Variants in BCAP31 observed in about 807,000 individuals in gnomAD.
BCAP31 encodes the protein B cell receptor associated protein 31, also known as B-cell receptor-associated protein 31.
For synonymous variants in BCAP31, 75 were observed against 80.9 expected (o/e 0.93, Z 0.39); for missense variants, 124 against 193.0 (o/e 0.64, Z 2.12).
In BCAP31 at chrX:153,715,534, C is replaced by T. The variant is rs782676193; in HGVS notation, c.341+8G>A. 1 of 1,208,504 alleles carries T rather than the reference C, an allele frequency of 8.3e-7. No homozygotes were observed. The highest frequency in any genetic ancestry group is 1.8e-5 in the African/African-American group (1 of 56,990). On this transcript the variant is annotated splice_region_variant and intron_variant, in intron 4 of 7. Transcript: ENST00000345046. ...TCACAGCACCTGCCCCCTCAACCCC[C>T]CACTCACAAGGACAGCAGCAAGGAA...
intron 4 of BCAP31, among the ~76,000 whole-genome samples, chrX:153,708,101 C>A (rs1384172679): frequency 2.7e-5 from 3 of 112,997 alleles, no homozygotes; most frequent in African/African-American, 9.6e-5. Flanking sequence ...CGAAACTTAA[C>A]AGAATCCAGA....
At chrX:153,718,580 C>T (rs781993254) in intron 3 of BCAP31, among the ~76,000 whole-genome samples, 12 of 112,211 alleles carry the variant, frequency 1.1e-4, no homozygotes, top group Non-Finnish European at 1.3e-4. Context: ...CAACAAAATA[C>T]TCATGATGGT....
intron 2 of BCAP31, 57 bp downstream of exon 2, chrX:153,723,096 G>A: frequency 8.5e-7 from 1 of 1,182,793 alleles, no homozygotes; most frequent in Non-Finnish European, 1.1e-6. Context: ...ACCAGTCCCA[G>A]GGCTAGGGCA....
intron 1 of BCAP31, chrX:153,723,977 G>A (rs1557051720): frequency 9.5e-6 from 4 of 419,117 alleles, no homozygotes; most frequent in Admixed American, 8.6e-5. Flanking sequence ...TACGGAGAAA[G>A]TTCTAGACGC....
At chrX:153,708,527 C>T (rs1363012151) in intron 4 of BCAP31, among the ~76,000 whole-genome samples, 6 of 113,046 alleles carry the variant, frequency 5.3e-5, no homozygotes, top group South Asian at 3.6e-4. Context: ...AGCCCCCAGC[C>T]GGCAGAAAGC....
intron 3 of BCAP31, among the ~76,000 whole-genome samples, chrX:153,718,599 G>A (rs2091644983): frequency 8.9e-6 from 1 of 112,156 alleles, no homozygotes; most frequent in Admixed American, 9.4e-5. Context: ...GTTACCTGTG[G>A]GAAATGGGAT....
rs782084519 is a variant in BCAP31 at position 153,700,863 on chromosome X, G to A, written c.*74C>T. The A allele has an allele frequency of 2.4e-5, 25 of 1,042,238 alleles. No homozygotes were observed. The South Asian group carries it at 4.1e-4, about 17-fold the overall frequency. The allele number at this position is 1,042,238 out of a possible 1,213,427, so 85.9% of individuals were successfully genotyped here. On this transcript the variant is annotated 3_prime_UTR_variant, in exon 8 of 8. Transcript: ENST00000345046. ...GGCACAAACAGAAGTACTGGAGGGAGAGGCCGGGCTCTCAGGAAGCAGCAG... is the reference window on the plus strand; with the variant it reads ...GGCACAAACAGAAGTACTGGAGGGAAAGGCCGGGCTCTCAGGAAGCAGCAG...
Position 153,724,384 on chromosome X carries a change from C to T in BCAP31, c.-95G>A, listed in dbSNP as rs1483239292. On this transcript the variant is annotated 5_prime_UTR_variant, in exon 1 of 8. Coordinates refer to ENST00000345046, the MANE Select transcript of BCAP31 (RefSeq NM_001256447.2). ...GCCCCGCCGCAGCAACAGAACTCTCCCACAGCAGCCCCGGCCCCGCCCCTC... is the reference window on the plus strand; with the variant it reads ...GCCCCGCCGCAGCAACAGAACTCTCTCACAGCAGCCCCGGCCCCGCCCCTC... The T allele has an allele frequency of 2.5e-5, 3 of 119,212 alleles. No homozygotes were observed. The highest frequency in any genetic ancestry group is 5.2e-5 in the Non-Finnish European group (3 of 57,987). 9.8% of individuals were successfully genotyped at this position (119,212 alleles called of 1,213,427 possible).
At chrX:153,715,722 T>C in intron 3 of BCAP31, 33 bp from the exon 4 acceptor site, 1 of 1,203,679 alleles carries the variant, frequency 8.3e-7, no homozygotes, top group African/African-American at 1.7e-5. Flanking sequence ...CACGGGCATT[T>C]AGCGGACACT....
chrX:153,724,085 C>A (rs782523035), intron 1 of BCAP31: 1 of 313,127 alleles, frequency 3.2e-6, no homozygotes, highest in Non-Finnish European at 6.1e-6. Flanking sequence ...CCTGGCACAC[C>A]GTCCCGGAGG....
At chrX:153,704,485 A>G (rs2091541150) in intron 4 of BCAP31, among the ~76,000 whole-genome samples, 1 of 112,354 alleles carries the variant, frequency 8.9e-6, no homozygotes, top group Non-Finnish European at 1.9e-5. Context: ...TAACGAGAGA[A>G]GCTAATCAAT....
intron 4 of BCAP31, among the ~76,000 whole-genome samples, chrX:153,704,634 G>C (rs781890032): frequency 2.7e-5 from 3 of 111,889 alleles, no homozygotes; most frequent in Non-Finnish European, 5.6e-5. Context: ...ACCAGAAATG[G>C]ACATGGCTGG....
intron 3 of BCAP31, among the ~76,000 whole-genome samples, chrX:153,717,764 T>A (rs1557050359): frequency 1.8e-5 from 2 of 111,964 alleles, no homozygotes; most frequent in African/African-American, 6.5e-5. Context: ...TTTATGTTGA[T>A]CTTGCATTAT....
At chrX:153,708,811 A>T (rs2091571257) in intron 4 of BCAP31, among the ~76,000 whole-genome samples, 6 of 112,781 alleles carry the variant, frequency 5.3e-5, no homozygotes, top group Non-Finnish European at 9.4e-5. Context: ...AGGCTGCCCC[A>T]AAGGGCTGCC....
At chrX:153,714,536 G>GA (rs1287496885) in intron 4 of BCAP31, among the ~76,000 whole-genome samples, 1 of 111,115 alleles carries the variant, frequency 9.0e-6, no homozygotes, top group African/African-American at 3.3e-5. Context: ...CTTGGTCGCA[G>GA]AGAGTACCAG....
At chrX:153,718,542 C>T (rs2091644614) in intron 3 of BCAP31, among the ~76,000 whole-genome samples, 1 of 111,270 alleles carries the variant, frequency 9.0e-6, no homozygotes, top group African/African-American at 3.3e-5. Context: ...TTAAAGATGT[C>T]AGCATACAAA....
intron 2 of BCAP31, among the ~76,000 whole-genome samples, chrX:153,722,468 G>A (rs868915511): frequency 3.6e-5 from 4 of 111,746 alleles, no homozygotes; most frequent in South Asian, 3.7e-4. Flanking sequence ...TCAACTGTAC[G>A]AAGGTGTGGT....
At position 153,703,497 on chromosome X, in the gene BCAP31, C is replaced by T. The variant is rs782696795; in HGVS notation, c.478-439G>A. On this transcript the variant is annotated intron_variant, in intron 5 of 7. Coordinates refer to ENST00000345046, the MANE Select transcript of BCAP31 (RefSeq NM_001256447.2). ...TCCCACCTCTGCATCCACATCCCTC[C>T]GAGCTTGCCTTGCAGCTCACCTCCT... Among the ~76,000 whole-genome samples, 10 of 113,278 alleles carry T rather than the reference C, an allele frequency of 8.8e-5. No homozygotes were observed. In the East Asian group the frequency reaches 2.8e-3, roughly 32 times the overall value.
rs1451147753 is a variant in BCAP31, at chrX:153,700,794, G to A, written c.*143C>T. ...CTTGGAGAGTGTGGACAAGGGCCGA[G>A]ATGACGAGCTATGAGCTGTGGAAGG... On this transcript the variant is annotated 3_prime_UTR_variant, in exon 8 of 8. Coordinates refer to ENST00000345046, the MANE Select transcript of BCAP31 (RefSeq NM_001256447.2). The A allele has an allele frequency of 5.4e-6, 3 of 555,171 alleles. No individual in the cohort carries two copies. Among genetic ancestry groups the A allele is most frequent in the South Asian group, 6.3e-5 (2 of 31,928 alleles). 45.8% of individuals were successfully genotyped at this position (555,171 alleles called of 1,213,427 possible).
Sources: allele counts gnomAD v4.1 joint callset (sites outside exome capture counted in the v4.1 genomes callset), GRCh38; gene constraint gnomAD v4.1.1; transcripts MANE v1.5; gene names NCBI Gene and HGNC (gene_info 2026-07-23, HGNC 2026-07-21).